Variants in TENM4 observed in about 807,000 individuals in gnomAD.
The protein encoded by TENM4 is teneurin-4.
In TENM4, 82 loss-of-function variants were observed where a neutral mutation model predicts 243.3. That is an observed-to-expected ratio of 0.34 (90% CI 0.28 to 0.40). The LOEUF is 0.40. TENM4 is among the 10% of genes least tolerant of loss of function. TENM4 has a pLI of 1.00. For missense variants in TENM4, 3,138 were observed against 3,673.3 expected, an observed-to-expected ratio of 0.85 and a Z score of 3.77; for synonymous variants, 1,412 against 1,456.3, an observed-to-expected ratio of 0.97 and a Z score of 0.69.
At chr11:79,110,118 C>A (rs144468738) in intron 4 of TENM4, among the ~76,000 whole-genome samples, 1,537 of 152,258 alleles carry the variant, frequency 0.01, 29 homozygotes, top group South Asian at 0.065. Flanking sequence ...AGAAACAATA[C>A]CCTCCTCCCT....
chr11:79,430,861 AAG>A lies in TENM4; in HGVS notation c.-321+9646_-321+9647del, dbSNP rs1859152901. On this transcript the variant is annotated intron_variant, in intron 1 of 33. Coordinates refer to ENST00000278550, the MANE Select transcript of TENM4 (RefSeq NM_001098816.3). The stretch of plus-strand genomic sequence containing the variant: ...GTAGAAATGTACTTAAATGGCCATA[AAG>A]AGAATTCAGTTTTAACATTAGAAAG... 2.0e-5 allele frequency among the ~76,000 whole-genome samples: 3 copies of A among 152,316 alleles called. No individual in the cohort carries two copies. In the South Asian group the frequency reaches 6.2e-4, roughly 32 times the overall value.
intron 4 of TENM4, among the ~76,000 whole-genome samples, chr11:79,112,920 T>A (rs1251551883): frequency 6.6e-6 from 1 of 152,180 alleles, no homozygotes; most frequent in Non-Finnish European, 1.5e-5. Flanking sequence ...CCGTTCATAT[T>A]GACAAAGGCA....
chr11:79,047,936 G>A (rs1216830589), intron 6 of TENM4, among the ~76,000 whole-genome samples: 1 of 152,028 alleles, frequency 6.6e-6, no homozygotes, highest in Non-Finnish European at 1.5e-5. Context: ...TTATTGAAGA[G>A]CACTTAATTA....
chr11:78,801,989 A>C (rs1857289908), intron 15 of TENM4, among the ~76,000 whole-genome samples: 1 of 152,160 alleles, frequency 6.6e-6, no homozygotes, highest in Non-Finnish European at 1.5e-5. Flanking sequence ...TACCTAAGGG[A>C]AAATTAAGGG....
chr11:78,758,552 T>G (rs1856362813), intron 18 of TENM4, among the ~76,000 whole-genome samples: 1 of 152,176 alleles, frequency 6.6e-6, no homozygotes, highest in African/African-American at 2.4e-5. Flanking sequence ...ATATACCTAC[T>G]TCTCTAGTTT....
At chr11:78,809,879 C>A (rs1489118995) in intron 14 of TENM4, among the ~76,000 whole-genome samples, 1 of 152,142 alleles carries the variant, frequency 6.6e-6, no homozygotes, top group African/African-American at 2.4e-5. Context: ...AAATGCCATG[C>A]TTCAGTGACC....
At chr11:79,285,930 G>A (rs973800466) in intron 2 of TENM4, among the ~76,000 whole-genome samples, 1 of 152,076 alleles carries the variant, frequency 6.6e-6, no homozygotes, top group African/African-American at 2.4e-5. Flanking sequence ...CTTTTTTGGG[G>A]TGATGAAATG....
At chr11:79,184,295 G>A (rs1012635868) in intron 3 of TENM4, among the ~76,000 whole-genome samples, 3 of 152,102 alleles carry the variant, frequency 2.0e-5, no homozygotes, top group Non-Finnish European at 2.9e-5. Flanking sequence ...GAGGAGGATG[G>A]TTTCAGGATG....
At chr11:78,754,656 C>CA (rs1856265016) in intron 19 of TENM4, among the ~76,000 whole-genome samples, 1 of 152,178 alleles carries the variant, frequency 6.6e-6, no homozygotes, top group Non-Finnish European at 1.5e-5. Flanking sequence ...AGCATACATA[C>CA]AAAATCACAC....
At chr11:79,145,329 G>A (rs555569730) in intron 4 of TENM4, among the ~76,000 whole-genome samples, 1 of 151,956 alleles carries the variant, frequency 6.6e-6, no homozygotes, top group Non-Finnish European at 1.5e-5. Flanking sequence ...CATTTAACCT[G>A]CCCTCCTACC....
rs1862440223 is a variant in TENM4 at position 79,148,693 on chromosome 11, A to G, written c.-66+17T>C. The G allele has an allele frequency of 2.3e-6, 2 of 862,972 alleles. No homozygotes were observed. The highest frequency in any genetic ancestry group is 1.8e-5 in the African/African-American group (1 of 54,316). The allele number at this position is 862,972 out of a possible 1,614,324, so 53.5% of individuals were successfully genotyped here. A position where few individuals can be genotyped will look rare whatever the true frequency, so the allele number is the denominator to read the frequency against. Reference sequence around the variant, plus strand: ...AAATCATGAATACTCTCTGAAGTGTAAAAAAAATCAACTCACTTTTCTTTA... The same window carrying G: ...AAATCATGAATACTCTCTGAAGTGTGAAAAAAATCAACTCACTTTTCTTTA... On this transcript the variant is annotated intron_variant, in intron 4 of 33. Coordinates refer to ENST00000278550, the MANE Select transcript of TENM4 (RefSeq NM_001098816.3).
intron 1 of TENM4, among the ~76,000 whole-genome samples, chr11:79,433,855 G>A (rs1859217418): frequency 6.6e-6 from 1 of 152,208 alleles, no homozygotes; most frequent in South Asian, 2.1e-4. Flanking sequence ...AAGTATCAAA[G>A]CAGCATCTAA....
intron 6 of TENM4, among the ~76,000 whole-genome samples, chr11:78,951,144 C>T (rs1857100734): frequency 6.6e-6 from 1 of 152,238 alleles, no homozygotes; most frequent in African/African-American, 2.4e-5. Flanking sequence ...TTTGCCATGG[C>T]AGCCCTTCCT....
At chr11:79,180,870 T>C (rs558307706) in intron 3 of TENM4, among the ~76,000 whole-genome samples, 25 of 151,196 alleles carry the variant, frequency 1.7e-4, no homozygotes, top group Middle Eastern at 3.4e-3. Flanking sequence ...TACACACACA[T>C]ATATATATGT....
intron 26 of TENM4, among the ~76,000 whole-genome samples, chr11:78,711,740 A>G (rs1565344336): frequency 6.6e-6 from 1 of 152,094 alleles, no homozygotes; most frequent in African/African-American, 2.4e-5. Context: ...GCTTCTCCAA[A>G]AAGCTTTCCC....
At chr11:78,981,838 T>C (rs116436276) in intron 6 of TENM4, among the ~76,000 whole-genome samples, 5,466 of 152,268 alleles carry the variant, frequency 0.036, 125 homozygotes, top group African/African-American at 0.063. Context: ...TGCTTTCGTT[T>C]CCACCCTTAT....
chr11:78,753,439 C>A (rs1464231717), intron 19 of TENM4, among the ~76,000 whole-genome samples: 2 of 152,242 alleles, frequency 1.3e-5, no homozygotes, highest in Non-Finnish European at 2.9e-5. Flanking sequence ...AAAGCAACTA[C>A]TTAAACTGGG....
intron 2 of TENM4, among the ~76,000 whole-genome samples, chr11:79,272,639 C>A (rs1330742633): frequency 6.6e-6 from 1 of 151,942 alleles, no homozygotes; most frequent in African/African-American, 2.4e-5. Context: ...TTTCTCCAAC[C>A]AAGCCACACA....
chr11:78,745,005 G>T (rs769796859), intron 19 of TENM4, among the ~76,000 whole-genome samples: 1 of 151,974 alleles, frequency 6.6e-6, no homozygotes, highest in African/African-American at 2.4e-5. Flanking sequence ...GCTTGTACTC[G>T]CACTATTAGT....
Sources: gnomAD v4.1 joint callset for allele counts (sites outside exome capture counted in the v4.1 genomes callset) on GRCh38, gnomAD v4.1.1 for gene constraint, MANE v1.5 for transcripts, NCBI Gene and HGNC (gene_info 2026-07-23, HGNC 2026-07-21) for gene names.